SOCS6: variants seen among roughly 807,000 people sequenced by gnomAD.
SOCS6 encodes the protein STAT induced STAT inhibitor-4.
In SOCS6, 5 loss-of-function variants were observed where a neutral mutation model predicts 27.7. The observed-to-expected ratio is 0.18, with a 90% CI of 0.09 to 0.38. SOCS6 has a LOEUF of 0.38. Among genes scored for constraint, SOCS6 ranks in the 10% least tolerant of loss-of-function variants. The probability of loss-of-function intolerance (pLI) is 1.00; values close to 1 mark genes in which losing one functional copy is unlikely to be tolerated. For synonymous variants in SOCS6, 271 were observed against 260.0 expected (o/e 1.04, Z -0.41); for missense variants, 595 against 688.1 (o/e 0.86, Z 1.51).
rs530915852 is a variant in SOCS6, at chr18:70,317,493, CACATATATACAT to C, written c.-126-7027_-126-7016del. On this transcript the variant is annotated intron_variant, in intron 1 of 1. Coordinates refer to ENST00000397942, the MANE Select transcript of SOCS6 (RefSeq NM_004232.4). ...ATACACATATATACATACATATATA[CACATATATACAT>C]ACATATATACATACATATATACGTA... Among the ~76,000 whole-genome samples the C allele has an allele frequency of 2.1e-3, 274 of 130,420 alleles. 2 individuals are homozygous for C. The highest frequency in any genetic ancestry group is 6.0e-3 in the African/African-American group (174 of 29,126). The allele number at this position is 130,420 out of a possible 152,430, so 85.6% of individuals were successfully genotyped here.
intron 1 of SOCS6, among the ~76,000 whole-genome samples, chr18:70,317,506 A>G (rs1388282600): frequency 1.8e-5 from 2 of 109,486 alleles, no homozygotes; most frequent in African/African-American, 9.1e-5. Flanking sequence ...ATATATACAT[A>G]CATATATACA....
In SOCS6 at chr18:70,294,086, G is replaced by A. The variant is rs562708441; in HGVS notation, c.-127+4996G>A. On this transcript the variant is annotated intron_variant, in intron 1 of 1. Coordinates refer to ENST00000397942, the MANE Select transcript of SOCS6 (RefSeq NM_004232.4). Reference sequence around the variant, plus strand: ...AGCCTGGGCAACAGAGCGAGACTCCGTTTAAAAAAAAAAAAAAAGAAAGAA... The same window carrying A: ...AGCCTGGGCAACAGAGCGAGACTCCATTTAAAAAAAAAAAAAAAGAAAGAA... Among the ~76,000 whole-genome samples the A allele has an allele frequency of 3.6e-3, 507 of 141,012 alleles. 3 individuals carry two copies. Among genetic ancestry groups the A allele is most frequent in the Non-Finnish European group, 4.6e-3 (298 of 64,950 alleles). 92.5% of individuals were successfully genotyped at this position (141,012 alleles called of 152,430 possible).
rs142982070 is a variant in SOCS6 at position 70,312,025 on chromosome 18, T to C, written c.-126-12518T>C. 5.9e-5 allele frequency among the ~76,000 whole-genome samples: 9 copies of C among 152,324 alleles called. 1 individual carries two copies. Among genetic ancestry groups the C allele is most frequent in the African/African-American group, 2.2e-4 (9 of 41,572 alleles). On this transcript the variant is annotated intron_variant, in intron 1 of 1. Transcript: ENST00000397942. ...AGAATATTAGTACTACTACTTTTGC[T>C]AGCTGCAAACATCTGTGTAGCCTAA...
At chr18:70,295,565 T>C (rs148406264) in intron 1 of SOCS6, among the ~76,000 whole-genome samples, 184 of 152,334 alleles carry the variant, frequency 1.2e-3, no homozygotes, top group African/African-American at 3.9e-3. Context: ...ACAATAGTCA[T>C]TTTTGTTTGT....
At chr18:70,294,854 A>G (rs2062316475) in intron 1 of SOCS6, among the ~76,000 whole-genome samples, 1 of 152,168 alleles carries the variant, frequency 6.6e-6, no homozygotes, top group African/African-American at 2.4e-5. Flanking sequence ...GTTTGTTCTG[A>G]TACTGTTTTA....
intron 1 of SOCS6, among the ~76,000 whole-genome samples, chr18:70,294,849 T>C (rs1418122349): frequency 6.6e-6 from 1 of 152,246 alleles, no homozygotes; most frequent in African/African-American, 2.4e-5. Flanking sequence ...ATTATGTTTG[T>C]TCTGATACTG....
Position 70,330,048 on chromosome 18 carries a change from A to G in SOCS6, c.*3772A>G, listed in dbSNP as rs4541169. 0.12 allele frequency: 19,589 copies of G among 167,096 alleles called. 1,734 individuals are homozygous for G. Among genetic ancestry groups the G allele is most frequent in the African/African-American group, 0.26 (10,808 of 41,494 alleles). The allele number at this position is 167,096 out of a possible 1,614,324, so 10.4% of individuals were successfully genotyped here. ...CCATTTGTACTGAGAACACCACAGAATGAATTATCCAAAGTCCATTGATTT... is the reference window on the plus strand; with the variant it reads ...CCATTTGTACTGAGAACACCACAGAGTGAATTATCCAAAGTCCATTGATTT... On this transcript the variant is annotated 3_prime_UTR_variant, in exon 2 of 2. Transcript: ENST00000397942.
intron 1 of SOCS6, among the ~76,000 whole-genome samples, chr18:70,293,757 G>A (rs577823482): frequency 1.2e-4 from 18 of 152,126 alleles, no homozygotes; most frequent in Admixed American, 3.3e-4. Context: ...GTTCCTTTAC[G>A]TATATAATAA....
At chr18:70,305,006 A>T (rs2062363221) in intron 1 of SOCS6, among the ~76,000 whole-genome samples, 1 of 152,162 alleles carries the variant, frequency 6.6e-6, no homozygotes, top group Non-Finnish European at 1.5e-5. Flanking sequence ...GGAGTTCGAG[A>T]CCAGTCTGGC....
intron 1 of SOCS6, among the ~76,000 whole-genome samples, chr18:70,290,512 T>C (rs1317801062): frequency 6.6e-6 from 1 of 152,208 alleles, no homozygotes; most frequent in African/African-American, 2.4e-5. Flanking sequence ...TAATTTCTCC[T>C]CCTAGTGGGT....
chr18:70,299,786 T>A (rs2062340238), intron 1 of SOCS6, among the ~76,000 whole-genome samples: 1 of 152,224 alleles, frequency 6.6e-6, no homozygotes, highest in Non-Finnish European at 1.5e-5. Context: ...ATGTCTTATA[T>A]CACATTTCTT....
At chr18:70,303,049 G>A (rs796396036) in intron 1 of SOCS6, among the ~76,000 whole-genome samples, 1 of 152,216 alleles carries the variant, frequency 6.6e-6, no homozygotes, top group African/African-American at 2.4e-5. Context: ...TAAAAACACT[G>A]CATGTTCATT....
chr18:70,324,617 G>T lies in SOCS6; in HGVS notation c.-52G>T. The T allele has an allele frequency of 8.0e-7, 1 of 1,256,876 alleles. No individual in the cohort carries two copies. The highest frequency in any genetic ancestry group is 1.1e-6 in the Non-Finnish European group (1 of 896,170). 77.9% of individuals were successfully genotyped at this position (1,256,876 alleles called of 1,614,324 possible). On this transcript the variant is annotated 5_prime_UTR_variant, in exon 2 of 2. Coordinates refer to ENST00000397942, the MANE Select transcript of SOCS6 (RefSeq NM_004232.4). ...CTTGCAGCCTCTCCAGATGTTTGGG[G>T]ATAATATTCCAGATAGAAATATTGA...
intron 1 of SOCS6, among the ~76,000 whole-genome samples, chr18:70,295,895 G>A (rs990957209): frequency 1.3e-5 from 2 of 152,192 alleles, no homozygotes; most frequent in Non-Finnish European, 2.9e-5. Flanking sequence ...TGCTGTTGAT[G>A]CTTAAGGTTT....
intron 1 of SOCS6, among the ~76,000 whole-genome samples, chr18:70,298,004 A>G (rs140522843): frequency 7.4e-4 from 113 of 152,322 alleles, no homozygotes; most frequent in African/African-American, 2.3e-3. Flanking sequence ...TCTTTAAATT[A>G]GAGCTTTTGT....
intron 1 of SOCS6, among the ~76,000 whole-genome samples, chr18:70,319,345 T>C (rs551346679): frequency 6.6e-6 from 1 of 152,336 alleles, no homozygotes; most frequent in South Asian, 2.1e-4. Context: ...ACTTTTTATG[T>C]GGATTCTTTG....
At chr18:70,295,539 T>G (rs9950282) in intron 1 of SOCS6, among the ~76,000 whole-genome samples, 2,073 of 152,332 alleles carry the variant, frequency 0.014, 47 homozygotes, top group African/African-American at 0.047. Context: ...TTCAGTAATG[T>G]ATTACCATCC....
intron 1 of SOCS6, among the ~76,000 whole-genome samples, chr18:70,298,545 A>G (rs753249442): frequency 1.8e-4 from 27 of 152,136 alleles, no homozygotes; most frequent in Non-Finnish European, 3.1e-4. Context: ...TAAGCCACCA[A>G]CTGTAATTAT....
At chr18:70,301,449 G>C (rs2062347732) in intron 1 of SOCS6, among the ~76,000 whole-genome samples, 1 of 147,610 alleles carries the variant, frequency 6.8e-6, no homozygotes, top group Non-Finnish European at 1.5e-5. Context: ...TGAATGTTCT[G>C]ATCTGATCAT....
Sources: gnomAD v4.1 joint callset for allele counts (sites outside exome capture counted in the v4.1 genomes callset) on GRCh38, gnomAD v4.1.1 for gene constraint, MANE v1.5 for transcripts, NCBI Gene and HGNC (gene_info 2026-07-23, HGNC 2026-07-21) for gene names.